KCNQ1: variants seen among roughly 807,000 people sequenced by gnomAD.
KCNQ1 encodes the protein potassium voltage-gated channel subfamily Q member 1, also known as potassium voltage-gated channel subfamily KQT member 1.
KCNQ1 carries 49 observed loss-of-function variants against 72.4 expected under a neutral mutation model. The observed-to-expected ratio is 0.68, with a 90% CI of 0.54 to 0.86. KCNQ1 has a LOEUF of 0.86. Ranked by LOEUF, KCNQ1 falls within the 40% of genes least tolerant of loss-of-function variation. The pLI is 0.00. For synonymous variants in KCNQ1, 450 were observed against 412.6 expected, an observed-to-expected ratio of 1.09 and a Z score of -1.10; for missense variants, 790 against 945.1, an observed-to-expected ratio of 0.84 and a Z score of 2.15.
Position 2,687,007 on chromosome 11 carries a change from G to T in KCNQ1, c.1514+24926G>T. On this transcript the variant is annotated intron_variant, in intron 11 of 15. Transcript: ENST00000155840. This position sits in a 1 kb window ranked among gnomAD's most constrained non-coding sequence, Gnocchi z 5.0. The stretch of plus-strand genomic sequence containing the variant: ...ACTGGGCCCTGACTTGCTAAGATGG[G>T]AGCAAGAGCTTAGGGCTAAAACTCA... 2.5e-6 allele frequency: 1 copy of T among 398,646 alleles called. No individual in the cohort carries two copies. Among genetic ancestry groups the T allele is most frequent in the South Asian group, 1.3e-4 (1 of 7,840 alleles). 24.7% of individuals were successfully genotyped at this position (398,646 alleles called of 1,614,324 possible).
Position 2,621,679 on chromosome 11 carries a change from C to A in KCNQ1, c.1393+32825C>A. The A allele has an allele frequency of 2.5e-6, 1 of 398,360 alleles. No homozygotes were observed. The highest frequency in any genetic ancestry group is 4.4e-6 in the Non-Finnish European group (1 of 225,982). 24.7% of individuals were successfully genotyped at this position (398,360 alleles called of 1,614,324 possible). On this transcript the variant is annotated intron_variant, in intron 10 of 15. Coordinates refer to ENST00000155840, the MANE Select transcript of KCNQ1 (RefSeq NM_000218.3). This position sits in a 1 kb window ranked among gnomAD's most constrained non-coding sequence, Gnocchi z 5.7. ...TCCAATTTGTTGGGATATAATTGTT[C>A]ATAAAAGTCCCTTATGATCCTTTTT...
At chr11:2,628,830 T>C (rs567459211) in intron 10 of KCNQ1, 8 of 398,384 alleles carry the variant, frequency 2.0e-5, no homozygotes, top group Admixed American at 4.4e-5. Context: ...TTTTTTTGCA[T>C]GTGGATATCC....
chr11:2,752,691 C>T lies in KCNQ1; in HGVS notation c.1515-16153C>T, dbSNP rs769532394. 5.9e-5 allele frequency among the ~76,000 whole-genome samples: 9 copies of T among 152,122 alleles called. No homozygotes were observed. The highest frequency in any genetic ancestry group is 1.7e-4 in the African/African-American group (7 of 41,426). On this transcript the variant is annotated intron_variant, in intron 11 of 15. Transcript: ENST00000155840. This position sits in a 1 kb window ranked among gnomAD's most constrained non-coding sequence, Gnocchi z 5.2. The stretch of plus-strand genomic sequence containing the variant: ...CCTCTTCCTGAAGGCTCTGCCCTCA[C>T]GGCCGAATCACCTCTCAAATGCGCC...
chr11:2,638,313 C>T (rs1235353565), intron 10 of KCNQ1: 2 of 152,142 alleles, frequency 1.3e-5, no homozygotes, highest in Admixed American at 6.6e-5. Flanking sequence ...TGGCTGGTAC[C>T]AATTGTTCCT....
Position 2,652,649 on chromosome 11 carries a change from C to T in KCNQ1, c.1394-9312C>T, listed in dbSNP as rs1353140941. ...AGACCTAGACAGTGACTTCCTGCAGCATGGAGACCCGGGTGGGTCGATTTT... is the reference window on the plus strand; with the variant it reads ...AGACCTAGACAGTGACTTCCTGCAGTATGGAGACCCGGGTGGGTCGATTTT... On this transcript the variant is annotated intron_variant, in intron 10 of 15. Coordinates refer to ENST00000155840, the MANE Select transcript of KCNQ1 (RefSeq NM_000218.3). This position sits in a 1 kb window ranked among gnomAD's most constrained non-coding sequence, Gnocchi z 5.9. 5.0e-6 allele frequency: 2 copies of T among 398,618 alleles called. No individual in the cohort carries two copies. Among genetic ancestry groups the T allele is most frequent in the East Asian group, 7.1e-5 (2 of 28,084 alleles). 24.7% of individuals were successfully genotyped at this position (398,618 alleles called of 1,614,324 possible). A position where few individuals can be genotyped will look rare whatever the true frequency, so the allele number is the denominator to read the frequency against.
rs1850433802 is a variant in KCNQ1 at position 2,683,503 on chromosome 11, G to C, written c.1514+21422G>C. The stretch of plus-strand genomic sequence containing the variant: ...TCCTATTAAAACATAACTTGTTAAA[G>C]CATAGAGCTTAGTTCAGAGTAAACA... On this transcript the variant is annotated intron_variant, in intron 11 of 15. Coordinates refer to ENST00000155840, the MANE Select transcript of KCNQ1 (RefSeq NM_000218.3). The surrounding 1 kb of genome is among the most constrained non-coding windows in gnomAD (Gnocchi z 4.7). 1 of 398,498 alleles carries C rather than the reference G, an allele frequency of 2.5e-6. No homozygotes were observed. The highest frequency in any genetic ancestry group is 4.4e-5 in the Admixed American group (1 of 22,718). 24.7% of individuals were successfully genotyped at this position (398,498 alleles called of 1,614,324 possible). A position where few individuals can be genotyped will look rare whatever the true frequency, so the allele number is the denominator to read the frequency against.
At position 2,458,326 on chromosome 11, in the gene KCNQ1, AGG is replaced by A. The variant is rs1846224870; in HGVS notation, c.386+12843_386+12844del. Among the ~76,000 whole-genome samples, 1 of 152,232 alleles carries A rather than the reference AGG, an allele frequency of 6.6e-6. No homozygotes were observed. Among genetic ancestry groups the A allele is most frequent in the Non-Finnish European group, 1.5e-5 (1 of 68,040 alleles). On this transcript the variant is annotated intron_variant, in intron 1 of 15. Transcript: ENST00000155840. The surrounding 1 kb of genome is among the most constrained non-coding windows in gnomAD (Gnocchi z 4.6). Reference sequence around the variant, plus strand: ...TTTGCATTTCTCTAAAGATCTGTGGAGGTCAATAGGGAGACCGCTCATGATGT... The same window carrying A: ...TTTGCATTTCTCTAAAGATCTGTGGATCAATAGGGAGACCGCTCATGATGT...
rs1850849763 is a variant in KCNQ1 at position 2,703,258 on chromosome 11, T to C, written c.1514+41177T>C. On this transcript the variant is annotated intron_variant, in intron 11 of 15. Transcript: ENST00000155840. This position sits in a 1 kb window ranked among gnomAD's most constrained non-coding sequence, Gnocchi z 6.4. ...GCTTTGAAATTTGGCGCCTGCACCT[T>C]GTCACCTTCTTGGGACTCAAGGCTG... Among the ~76,000 whole-genome samples, 1 of 152,150 alleles carries C rather than the reference T, an allele frequency of 6.6e-6. No individual in the cohort carries two copies. Among genetic ancestry groups the C allele is most frequent in the South Asian group, 2.1e-4 (1 of 4,834 alleles).
chr11:2,645,803 G>A lies in KCNQ1; in HGVS notation c.1394-16158G>A, dbSNP rs1849657018. Reference sequence around the variant, plus strand: ...GCAGATGCAGTCTGGTGGGGGTTGGGCTATCAAAATGGGACTTTCCTGAAG... The same window carrying A: ...GCAGATGCAGTCTGGTGGGGGTTGGACTATCAAAATGGGACTTTCCTGAAG... On this transcript the variant is annotated intron_variant, in intron 10 of 15. Coordinates refer to ENST00000155840, the MANE Select transcript of KCNQ1 (RefSeq NM_000218.3). The surrounding 1 kb of genome is among the most constrained non-coding windows in gnomAD (Gnocchi z 5.8). 1 of 398,714 alleles carries A rather than the reference G, an allele frequency of 2.5e-6. No homozygotes were observed. Among genetic ancestry groups the A allele is most frequent in the Non-Finnish European group, 4.4e-6 (1 of 226,158 alleles). The allele number at this position is 398,714 out of a possible 1,614,324, so 24.7% of individuals were successfully genotyped here. A position where few individuals can be genotyped will look rare whatever the true frequency, so the allele number is the denominator to read the frequency against.
chr11:2,474,694 G>A (rs1195702140), intron 1 of KCNQ1, among the ~76,000 whole-genome samples: 1 of 40,338 alleles, frequency 2.5e-5, no homozygotes. Context: ...GAGAGCTTGG[G>A]CCCCTGCTCC....
At chr11:2,806,302 G>A (rs1847372139) in intron 15 of KCNQ1, among the ~76,000 whole-genome samples, 1 of 152,232 alleles carries the variant, frequency 6.6e-6, no homozygotes, top group Non-Finnish European at 1.5e-5. Flanking sequence ...GAAGAGAGGG[G>A]AGGGAGAGAG....
At chr11:2,721,310 C>T (rs1851198636) in intron 11 of KCNQ1, among the ~76,000 whole-genome samples, 2 of 152,144 alleles carry the variant, frequency 1.3e-5, no homozygotes, top group Non-Finnish European at 2.9e-5. Flanking sequence ...GGGGTCTGCT[C>T]GTGAGGGACC....
intron 2 of KCNQ1, among the ~76,000 whole-genome samples, chr11:2,532,266 C>T (rs185288932): frequency 9.8e-5 from 15 of 152,318 alleles, no homozygotes; most frequent in South Asian, 4.2e-4. Context: ...CTCTGCATGG[C>T]GCTTCCTGGC....
intron 1 of KCNQ1, among the ~76,000 whole-genome samples, chr11:2,465,620 G>A (rs1240502302): frequency 2.0e-5 from 3 of 152,210 alleles, no homozygotes; most frequent in African/African-American, 4.8e-5. Context: ...CACGCTAGGT[G>A]CCTTGTACCA....
Position 2,783,307 on chromosome 11 carries a change from A to G in KCNQ1, c.1794+5270A>G, listed in dbSNP as rs772762596. ...TCATAATGTTGCCCTCTTGTCAGAG[A>G]AAGCAATCCATATGATATTAATCCT... is the stretch of plus-strand genomic sequence containing the variant. On this transcript the variant is annotated intron_variant, in intron 15 of 15. Transcript: ENST00000155840. The surrounding 1 kb of genome is among the most constrained non-coding windows in gnomAD (Gnocchi z 5.2). Among the ~76,000 whole-genome samples, 2 of 152,158 alleles carry G rather than the reference A, an allele frequency of 1.3e-5. No individual in the cohort carries two copies. The highest frequency in any genetic ancestry group is 2.9e-5 in the Non-Finnish European group (2 of 67,980).
At chr11:2,630,992 T>G in intron 10 of KCNQ1, 1 of 398,564 alleles carries the variant, frequency 2.5e-6, no homozygotes, top group Non-Finnish European at 4.4e-6. Context: ...TTTATTTATC[T>G]TGCCGCTTTC....
At chr11:2,777,851 G>A (rs1467640008) in intron 14 of KCNQ1, 125 bp from the exon 15 acceptor site, 1 of 781,542 alleles carries the variant, frequency 1.3e-6, no homozygotes, top group African/African-American at 1.7e-5. Flanking sequence ...AAATGTCCTA[G>A]TAGGTTTAGG....
At position 2,627,654 on chromosome 11, in the gene KCNQ1, T is replaced by G. The variant is rs886556980; in HGVS notation, c.1394-34307T>G. On this transcript the variant is annotated intron_variant, in intron 10 of 15. Transcript: ENST00000155840. The surrounding 1 kb of genome is among the most constrained non-coding windows in gnomAD (Gnocchi z 4.9). ...TTCCTGCTTTTTAAAGGATGAATAT[T>G]TCATTGTGTGTGTGTATATATGTGT... is the stretch of plus-strand genomic sequence containing the variant. The G allele has an allele frequency of 5.3e-5, 21 of 398,424 alleles. No individual in the cohort carries two copies. Among genetic ancestry groups the G allele is most frequent in the African/African-American group, 3.9e-4 (19 of 48,622 alleles). 24.7% of individuals were successfully genotyped at this position (398,424 alleles called of 1,614,324 possible).
chr11:2,618,448 A>T (rs1015943127), intron 10 of KCNQ1: 4 of 398,594 alleles, frequency 1.0e-5, no homozygotes, highest in African/African-American at 8.2e-5. Flanking sequence ...AACGTCATTT[A>T]TGAGAGAGAC....
Sources: allele counts gnomAD v4.1 joint callset (sites outside exome capture counted in the v4.1 genomes callset), GRCh38; gene constraint gnomAD v4.1.1; non-coding constraint Gnocchi (gnomAD v3.1); transcripts MANE v1.5; gene names NCBI Gene and HGNC (gene_info 2026-07-23, HGNC 2026-07-21).